The following SYS1 variants were observed in gnomAD, a reference collection of about 807,000 sequenced individuals.
The protein encoded by SYS1 is SYS1 golgi trafficking protein.
Under a neutral mutation model 17.8 loss-of-function variants are expected in SYS1, and 8 were observed. That is an observed-to-expected ratio of 0.45 (90% CI 0.26 to 0.81). The LOEUF is 0.81. Among genes scored for constraint, SYS1 ranks in the 40% least tolerant of loss-of-function variants. The probability of loss-of-function intolerance (pLI) is 0.16; values close to 1 mark genes in which losing one functional copy is unlikely to be tolerated. For synonymous variants in SYS1, 95 were observed against 90.9 expected, an observed-to-expected ratio of 1.05 and a Z score of -0.26; for missense variants, 161 against 203.9, an observed-to-expected ratio of 0.79 and a Z score of 1.28.
chr20:45,371,520 C>T (rs1988560558), downstream of SYS1, among the ~76,000 whole-genome samples: 1 of 152,190 alleles, frequency 6.6e-6, no homozygotes, highest in Non-Finnish European at 1.5e-5. Context: ...ACTACTATTT[C>T]CCCCATTTTG....
chr20:45,376,219 T>C (rs549137001), exon 4 of SYS1: 1 of 152,292 alleles, frequency 6.6e-6, no homozygotes, highest in East Asian at 1.9e-4. Flanking sequence ...GACAGAAATA[T>C]TAAATGCTGA....
At chr20:45,365,278 T>C (rs1988372890) in intron 2 of SYS1, 1 of 397,156 alleles carries the variant, frequency 2.5e-6, no homozygotes, top group African/African-American at 2.1e-5. Context: ...AAACCTTATG[T>C]ACAGGAGCAG....
At position 45,365,431 on chromosome 20, in the gene SYS1, G is replaced by A. The variant is rs1409814775; in HGVS notation, c.163-188G>A. The A allele has an allele frequency of 5.5e-6, 4 of 732,720 alleles. No individual in the cohort carries two copies. The Admixed American group carries it at 5.7e-5, about 10-fold the overall frequency. 45.4% of individuals were successfully genotyped at this position (732,720 alleles called of 1,614,324 possible). ...AATAATCCCTTTCCACCTGCTGTGA[G>A]AAACAAATGAAATCCCATAATGGAT... is the stretch of plus-strand genomic sequence containing the variant. On this transcript the variant is annotated intron_variant, in intron 2 of 3. Coordinates refer to ENST00000243918, the MANE Select transcript of SYS1 (RefSeq NM_033542.4).
chr20:45,374,529 C>T (rs1018040668), exon 4 of SYS1: 2 of 526,698 alleles, frequency 3.8e-6, no homozygotes, highest in Non-Finnish European at 6.6e-6. Context: ...GCCTCGACCT[C>T]CCAAGGTGCT....
chr20:45,363,701 C>A lies in SYS1; in HGVS notation c.162+8C>A. On this transcript the variant is annotated splice_region_variant and intron_variant, in intron 2 of 3. Coordinates refer to ENST00000243918, the MANE Select transcript of SYS1 (RefSeq NM_033542.4). Reference sequence around the variant, plus strand: ...CAGATGTTCGACGCCGAGGTAGGGTCCCCGGACTGGGGCGGGTGGGGTCTC... The same window carrying A: ...CAGATGTTCGACGCCGAGGTAGGGTACCCGGACTGGGGCGGGTGGGGTCTC... 6.4e-7 allele frequency: 1 copy of A among 1,557,024 alleles called. No homozygotes were observed.
At position 45,367,349 on chromosome 20, in the gene SYS1, G is replaced by A; in HGVS notation, c.*234G>A. The A allele has an allele frequency of 7.3e-7, 1 of 1,366,706 alleles. No individual in the cohort carries two copies. Among genetic ancestry groups the A allele is most frequent in the Non-Finnish European group, 9.4e-7 (1 of 1,058,444 alleles). 84.7% of individuals were successfully genotyped at this position (1,366,706 alleles called of 1,614,324 possible). A position where few individuals can be genotyped will look rare whatever the true frequency, so the allele number is the denominator to read the frequency against. On this transcript the variant is annotated 3_prime_UTR_variant, in exon 4 of 4. Coordinates refer to ENST00000243918, the MANE Select transcript of SYS1 (RefSeq NM_033542.4). Reference sequence around the variant, plus strand: ...CTTGGTATCTGAGAGGTCAGGAAGGGGACCTCTTTGAGGGTAATAACAGAA... The same window carrying A: ...CTTGGTATCTGAGAGGTCAGGAAGGAGACCTCTTTGAGGGTAATAACAGAA...
chr20:45,368,580 T>C lies in SYS1; in HGVS notation c.*1465T>C. ...ACTCTCAGCCCTACAGAGTAGGGAG[T>C]TGATGCTGACAGGATGAAGATTTAG... On this transcript the variant is annotated 3_prime_UTR_variant, in exon 4 of 4. Transcript: ENST00000243918. 1 of 985,116 alleles carries C rather than the reference T, an allele frequency of 1.0e-6. No individual in the cohort carries two copies. Among genetic ancestry groups the C allele is most frequent in the Non-Finnish European group, 1.2e-6 (1 of 829,842 alleles). 61.0% of individuals were successfully genotyped at this position (985,116 alleles called of 1,614,324 possible).
chr20:45,362,770 T>A (rs1012381520), upstream of SYS1, among the ~76,000 whole-genome samples: 1 of 152,198 alleles, frequency 6.6e-6, no homozygotes, highest in African/African-American at 2.4e-5. Flanking sequence ...AGCGGGAACA[T>A]TGGCAAACTC....
downstream of SYS1, among the ~76,000 whole-genome samples, chr20:45,370,760 C>A (rs2741428): frequency 6.6e-6 from 1 of 151,966 alleles, no homozygotes; most frequent in African/African-American, 2.4e-5. Flanking sequence ...CTCCTTGTAC[C>A]GGCAGCCCAG....
chr20:45,370,715 C>T (rs1988543516), downstream of SYS1, among the ~76,000 whole-genome samples: 3 of 152,110 alleles, frequency 2.0e-5, no homozygotes, highest in Admixed American at 6.5e-5. Flanking sequence ...CTTCTGCCAG[C>T]CCCAGAAGGC....
intron 2 of SYS1, chr20:45,365,399 AAATGAG>A: frequency 1.5e-6 from 1 of 657,914 alleles, no homozygotes; most frequent in African/African-American, 1.8e-5. Flanking sequence ...CTCCTTTGTA[AAATGAG>A]AATAATCCCT....
At chr20:45,369,696 A>G (rs999579869), downstream of SYS1, among the ~76,000 whole-genome samples, 4 of 145,358 alleles carry the variant, frequency 2.8e-5, no homozygotes, top group Non-Finnish European at 5.9e-5. Flanking sequence ...TCAACCTCCC[A>G]GGCTCAATGA....
At position 45,363,200 on chromosome 20, in the gene SYS1, G is replaced by A. The variant is rs896272095; in HGVS notation, c.-119G>A. On this transcript the variant is annotated 5_prime_UTR_variant, in exon 1 of 4. Transcript: ENST00000243918. ...CTGCCGCCGTGGTCGCTGGAGCTTT[G>A]CCTCTCTAGGCCGGCAGCGCCTCTC... 3.5e-5 allele frequency: 37 copies of A among 1,070,446 alleles called. No individual in the cohort carries two copies. The highest frequency in any genetic ancestry group is 7.1e-5 in the East Asian group (1 of 14,150). The allele number at this position is 1,070,446 out of a possible 1,614,324, so 66.3% of individuals were successfully genotyped here.
At chr20:45,371,532 A>C (rs539424777), downstream of SYS1, among the ~76,000 whole-genome samples, 72 of 152,356 alleles carry the variant, frequency 4.7e-4, no homozygotes, top group African/African-American at 1.7e-3. Flanking sequence ...CCCATTTTGC[A>C]GACAAAGAAA....
At position 45,365,689 on chromosome 20, in the gene SYS1, G is replaced by A. The variant is rs745714804; in HGVS notation, c.230+3G>A. The A allele has an allele frequency of 2.5e-6, 4 of 1,614,120 alleles. No homozygotes were observed. The highest frequency in any genetic ancestry group is 2.5e-6 in the Non-Finnish European group (3 of 1,179,968). ...TTCATCCTCAACGCCCTCACCTGGT[G>A]AGTATCACCAGTTTTGCTATCCAGC... On this transcript the variant is annotated splice_donor_region_variant and intron_variant, in intron 3 of 3. Transcript: ENST00000243918.
rs865906429 is a variant in SYS1, at chr20:45,367,106, C to T, written c.462C>T (p.Ser154=). Residue 154 remains serine (S), a synonymous_variant, in exon 4 of 4, where the codon TCC becomes TCT. Transcript: ENST00000243918. ...KEIPLNSAPK[S]NV ...TACCCCTCAACTCAGCCCCTAAATC[C>T]AATGTCTAGAATCAGGCCCTTTGGA... is the stretch of plus-strand genomic sequence containing the variant. 1 of 1,614,052 alleles carries T rather than the reference C, an allele frequency of 6.2e-7. No homozygotes were observed. Among genetic ancestry groups the T allele is most frequent in the African/African-American group, 1.3e-5 (1 of 74,916 alleles).
At chr20:45,373,032 C>T (rs1054530333), downstream of SYS1, 3 of 152,340 alleles carry the variant, frequency 2.0e-5, no homozygotes, top group African/African-American at 7.2e-5. Flanking sequence ...GCTCTGTGCC[C>T]CTCGATGGCT....
At chr20:45,364,682 G>A (rs1026742733) in intron 2 of SYS1, among the ~76,000 whole-genome samples, 3 of 151,562 alleles carry the variant, frequency 2.0e-5, no homozygotes, top group African/African-American at 4.9e-5. Context: ...CGTTTTAGCC[G>A]GGATGGTCTC....
chr20:45,367,261 T>C lies in SYS1; in HGVS notation c.*146T>C. ...TGGTTTGGGAGAGATAGTGAGGGCC[T>C]GTCAAAGAAGGCAGGTAGCAGTCAG... On this transcript the variant is annotated 3_prime_UTR_variant, in exon 4 of 4. Transcript: ENST00000243918. 6.8e-7 allele frequency: 1 copy of C among 1,467,598 alleles called. No individual in the cohort carries two copies. The allele number at this position is 1,467,598 out of a possible 1,614,324, so 90.9% of individuals were successfully genotyped here.
Sources: gnomAD v4.1 joint callset for allele counts (sites outside exome capture counted in the v4.1 genomes callset) on GRCh38, gnomAD v4.1.1 for gene constraint, MANE v1.5 for transcripts, NCBI Gene and HGNC (gene_info 2026-07-23, HGNC 2026-07-21) for gene names.